The following GRID2 variants were observed in gnomAD, a reference collection of about 807,000 sequenced individuals.
GRID2 encodes glutamate receptor ionotropic, delta-2.
A neutral mutation model predicts 114.8 loss-of-function variants in GRID2; 33 were observed. The observed-to-expected ratio is 0.29, with a 90% CI of 0.22 to 0.38. The LOEUF (loss-of-function observed/expected upper bound fraction) is 0.38, where lower values mean the gene tolerates loss of function less well. Among genes scored for constraint, GRID2 ranks in the 10% least tolerant of loss-of-function variants. The probability of loss-of-function intolerance (pLI) is 1.00; values close to 1 mark genes in which losing one functional copy is unlikely to be tolerated. For synonymous variants in GRID2, 505 were observed against 449.9 expected (o/e 1.12, Z -1.55); for missense variants, 1,184 against 1,257.7 (o/e 0.94, Z 0.89).
intron 8 of GRID2, among the ~76,000 whole-genome samples, chr4:93,293,605 A>T (rs887782246): frequency 7.7e-6 from 1 of 129,642 alleles, no homozygotes; most frequent in Non-Finnish European, 1.5e-5. Flanking sequence ...CACATTATTG[A>T]AAAAAAAAAA....
chr4:92,341,943 A>G (rs569743381), intron 1 of GRID2, among the ~76,000 whole-genome samples: 3 of 144,170 alleles, frequency 2.1e-5, no homozygotes, highest in African/African-American at 5.6e-5. Flanking sequence ...TTATGTAGCA[A>G]CTTGAGGATA....
chr4:93,681,210 C>G (rs1725498671), intron 14 of GRID2, among the ~76,000 whole-genome samples: 1 of 151,306 alleles, frequency 6.6e-6, no homozygotes, highest in Admixed American at 6.6e-5. Flanking sequence ...ACCTAGGAAT[C>G]CAACTTACAA....
chr4:93,466,023 G>A (rs191652700), intron 11 of GRID2, among the ~76,000 whole-genome samples: 570 of 152,158 alleles, frequency 3.7e-3, no homozygotes, highest in Admixed American at 7.2e-3. Flanking sequence ...TAAATTCTTT[G>A]GGGCTCATAA....
intron 6 of GRID2, among the ~76,000 whole-genome samples, chr4:93,217,563 T>G (rs546730933): frequency 2.0e-5 from 3 of 152,182 alleles, no homozygotes; most frequent in African/African-American, 7.2e-5. Flanking sequence ...CTGTGGTTTT[T>G]TTTTCACTTT....
At chr4:92,474,868 A>G (rs1288410174) in intron 1 of GRID2, among the ~76,000 whole-genome samples, 1 of 142,456 alleles carries the variant, frequency 7.0e-6, no homozygotes, top group Non-Finnish European at 1.5e-5. Flanking sequence ...TTCCTAATGT[A>G]TTTTGGATAT....
At chr4:93,771,681 C>T (rs527262980) in intron 15 of GRID2, among the ~76,000 whole-genome samples, 18 of 152,104 alleles carry the variant, frequency 1.2e-4, no homozygotes, top group South Asian at 6.2e-4. Context: ...TGGAATGAGA[C>T]GCCCTGAAAA....
chr4:93,175,942 T>C (rs1739311529), intron 4 of GRID2, among the ~76,000 whole-genome samples: 1 of 152,194 alleles, frequency 6.6e-6, no homozygotes, highest in Non-Finnish European at 1.5e-5. Flanking sequence ...GGAGTGGACC[T>C]CTTTCTCAGA....
At chr4:92,863,128 C>G (rs1744643482) in intron 2 of GRID2, among the ~76,000 whole-genome samples, 1 of 152,014 alleles carries the variant, frequency 6.6e-6, no homozygotes, top group East Asian at 1.9e-4. Flanking sequence ...GTTTTTCTGT[C>G]TGATGAAAAA....
intron 1 of GRID2, among the ~76,000 whole-genome samples, chr4:92,545,709 T>G (rs1726217565): frequency 6.6e-6 from 1 of 152,194 alleles, no homozygotes; most frequent in East Asian, 1.9e-4. Context: ...ATATGGTGCT[T>G]TATTTTCCAT....
intron 1 of GRID2, among the ~76,000 whole-genome samples, chr4:92,499,602 G>A (rs1194016319): frequency 1.3e-5 from 2 of 151,982 alleles, no homozygotes; most frequent in African/African-American, 2.4e-5. Context: ...ATCTATGAAT[G>A]TTTTGTTTAT....
intron 2 of GRID2, among the ~76,000 whole-genome samples, chr4:92,947,957 T>C (rs1021820612): frequency 6.6e-6 from 1 of 151,924 alleles, no homozygotes; most frequent in African/African-American, 2.4e-5. Flanking sequence ...CCATCAAATA[T>C]GCTTCTGAAA....
intron 2 of GRID2, among the ~76,000 whole-genome samples, chr4:92,946,697 G>C (rs957216437): frequency 6.6e-6 from 1 of 152,048 alleles, no homozygotes; most frequent in Non-Finnish European, 1.5e-5. Flanking sequence ...CCTTACATCA[G>C]ATGGACAGAA....
intron 8 of GRID2, among the ~76,000 whole-genome samples, chr4:93,305,560 G>A (rs976106032): frequency 1.3e-5 from 2 of 152,132 alleles, no homozygotes; most frequent in Admixed American, 6.6e-5. Context: ...AACCAAACTA[G>A]TGAGATTATG....
chr4:92,338,996 A>T (rs2110158594), intron 1 of GRID2, among the ~76,000 whole-genome samples: 1 of 152,198 alleles, frequency 6.6e-6, no homozygotes, highest in South Asian at 2.1e-4. Context: ...TAAATCCAAA[A>T]TATTAATCTT....
Position 93,553,449 on chromosome 4 carries a change from T to C in GRID2, c.2193+38038T>C, listed in dbSNP as rs1336261747. 2.0e-5 allele frequency among the ~76,000 whole-genome samples: 3 copies of C among 152,238 alleles called. 1 individual carries two copies. In the South Asian group the frequency reaches 6.2e-4, roughly 32 times the overall value. On this transcript the variant is annotated intron_variant, in intron 13 of 15. Coordinates refer to ENST00000282020, the MANE Select transcript of GRID2 (RefSeq NM_001510.4). ...TGTAACTGATTTTGGAAGAGGTTTATACGTATTATAGTTCATCTTGCTCAA... is the reference window on the plus strand; with the variant it reads ...TGTAACTGATTTTGGAAGAGGTTTACACGTATTATAGTTCATCTTGCTCAA...
intron 14 of GRID2, among the ~76,000 whole-genome samples, chr4:93,703,216 G>A (rs532496586): frequency 1.4e-3 from 213 of 152,094 alleles, no homozygotes; most frequent in African/African-American, 4.8e-3. Flanking sequence ...TTTTTCTAAA[G>A]TGTTACTTTC....
chr4:93,533,102 A>G (rs1731618456), intron 13 of GRID2, among the ~76,000 whole-genome samples: 1 of 152,178 alleles, frequency 6.6e-6, no homozygotes, highest in Admixed American at 6.5e-5. Context: ...AACTTAATAT[A>G]TCCAAAACCC....
intron 2 of GRID2, among the ~76,000 whole-genome samples, chr4:92,879,949 G>A (rs2149456080): frequency 6.6e-6 from 1 of 152,232 alleles, no homozygotes; most frequent in Non-Finnish European, 1.5e-5. Context: ...TTAAATATAA[G>A]AATAAAAGAA....
At chr4:92,851,544 T>A (rs1447641984) in intron 2 of GRID2, among the ~76,000 whole-genome samples, 1 of 151,954 alleles carries the variant, frequency 6.6e-6, no homozygotes, top group East Asian at 1.9e-4. Flanking sequence ...AATCAGATAT[T>A]AAGAATCTCA....
Sources: allele counts gnomAD v4.1 joint callset (sites outside exome capture counted in the v4.1 genomes callset), GRCh38; gene constraint gnomAD v4.1.1; transcripts MANE v1.5; gene names NCBI Gene and HGNC (gene_info 2026-07-23, HGNC 2026-07-21).